The following ARID4B variants were observed in gnomAD, a reference collection of about 807,000 sequenced individuals.
The protein encoded by ARID4B is AT-rich interactive domain-containing protein 4B.
In ARID4B, 26 loss-of-function variants were observed where a neutral mutation model predicts 147.5. The observed-to-expected ratio is 0.18, with a 90% confidence interval of 0.13 to 0.24. The LOEUF is 0.24. ARID4B is among the 10% of genes least tolerant of loss of function. The pLI, the probability that ARID4B is intolerant of heterozygous loss-of-function variation, is 1.00. For missense variants in ARID4B, 1,179 were observed against 1,511.5 expected, an observed-to-expected ratio of 0.78 and a Z score of 3.65; for synonymous variants, 512 against 507.9, an observed-to-expected ratio of 1.01 and a Z score of -0.11.
Position 235,167,892 on chromosome 1 carries a change from A to G in ARID4B, c.*633T>C, listed in dbSNP as rs1021103927. 2.5e-5 allele frequency: 5 copies of G among 197,474 alleles called. No homozygotes were observed. The highest frequency in any genetic ancestry group is 1.2e-4 in the African/African-American group (5 of 43,442). The allele number at this position is 197,474 out of a possible 1,614,324, so 12.2% of individuals were successfully genotyped here. On this transcript the variant is annotated 3_prime_UTR_variant, in exon 24 of 24. Coordinates refer to ENST00000264183, the MANE Select transcript of ARID4B (RefSeq NM_016374.6). The stretch of plus-strand genomic sequence containing the variant: ...TAGTTCCATTCCAATTTGAAGGGCC[A>G]TGAAAAGCCACTGCAAGACCTTTTA...
rs544758242 is a variant in ARID4B, at chr1:235,170,981, T to A, written c.3811+1637A>T. Among the ~76,000 whole-genome samples, 106 of 151,956 alleles carry A rather than the reference T, an allele frequency of 7.0e-4. 1 individual carries two copies. Among genetic ancestry groups the A allele is most frequent in the African/African-American group, 2.4e-3 (101 of 41,476 alleles). On this transcript the variant is annotated intron_variant, in intron 23 of 23. Transcript: ENST00000264183. ...CATAGTTCAGTGTCTGACTTTTTTT[T>A]AAACAATATATTTTAAGAGATTGTT...
chr1:235,197,331 G>A (rs1032871032), intron 17 of ARID4B, among the ~76,000 whole-genome samples: 3 of 152,130 alleles, frequency 2.0e-5, no homozygotes, highest in Admixed American at 6.6e-5. Context: ...GTATTAAAAG[G>A]AAGTAACAAA....
chr1:235,208,757 T>A (rs1666498832), intron 17 of ARID4B, among the ~76,000 whole-genome samples: 1 of 152,160 alleles, frequency 6.6e-6, no homozygotes, highest in South Asian at 2.1e-4. Flanking sequence ...CCTCAGGTGA[T>A]CCGCCCACCT....
chr1:235,296,844 A>AGGGAGGGAGG (rs1553313980), intron 2 of ARID4B, among the ~76,000 whole-genome samples: 1 of 16,822 alleles, frequency 5.9e-5, no homozygotes, highest in Non-Finnish European at 1.2e-4. Flanking sequence ...GAAGGGAGGA[A>AGGGAGGGAGG]GGAGGGAGGG....
chr1:235,241,498 T>TA (rs151144411), intron 7 of ARID4B, among the ~76,000 whole-genome samples: 6,092 of 152,254 alleles, frequency 0.04, 450 homozygotes, highest in African/African-American at 0.14. Flanking sequence ...TATATTCCAA[T>TA]ATAAATGTAA....
At chr1:235,207,479 A>C (rs1032003040) in intron 17 of ARID4B, among the ~76,000 whole-genome samples, 2 of 152,216 alleles carry the variant, frequency 1.3e-5, no homozygotes, top group Non-Finnish European at 2.9e-5. Flanking sequence ...GGAGAGAAAA[A>C]GAACAGCTTG....
intron 16 of ARID4B, among the ~76,000 whole-genome samples, chr1:235,216,853 G>A (rs1376117982): frequency 1.3e-5 from 2 of 151,730 alleles, no homozygotes; most frequent in African/African-American, 4.8e-5. Flanking sequence ...TGCATAGTGG[G>A]GAAAAGAAGC....
chr1:235,298,173 G>A (rs1672877364), intron 2 of ARID4B, among the ~76,000 whole-genome samples: 1 of 152,156 alleles, frequency 6.6e-6, no homozygotes. Context: ...GAGAAGAGGG[G>A]CAGCAGAGTG....
intron 11 of ARID4B, among the ~76,000 whole-genome samples, chr1:235,226,608 G>A (rs1010054009): frequency 1.8e-4 from 28 of 151,882 alleles, no homozygotes; most frequent in African/African-American, 6.5e-4. Context: ...TGCAAGCTCC[G>A]CCTCCCGGGT....
rs1417122751 is a variant in ARID4B, at chr1:235,298,196, C to T, written c.6+28718G>A. On this transcript the variant is annotated intron_variant, in intron 2 of 23. Transcript: ENST00000264183. ...GGGCAGCAGAGTGAAACAGATAATA[C>T]CAAGATGGCAAAATATTGGCAACTG... Among the ~76,000 whole-genome samples the T allele has an allele frequency of 2.6e-5, 4 of 152,012 alleles. No individual in the cohort carries two copies. In the East Asian group the frequency reaches 7.7e-4, roughly 29 times the overall value.
intron 2 of ARID4B, among the ~76,000 whole-genome samples, chr1:235,291,348 C>T (rs1397213718): frequency 6.6e-6 from 1 of 151,906 alleles, no homozygotes; most frequent in Non-Finnish European, 1.5e-5. Context: ...GCAGAGGTTG[C>T]GGTGAGCTGA....
chr1:235,286,608 A>G (rs565903227), intron 2 of ARID4B, among the ~76,000 whole-genome samples: 1 of 152,342 alleles, frequency 6.6e-6, no homozygotes, highest in Non-Finnish European at 1.5e-5. Flanking sequence ...GAGAAACAAT[A>G]TAGATTCTGG....
intron 2 of ARID4B, among the ~76,000 whole-genome samples, chr1:235,324,313 C>T (rs1675062524): frequency 6.6e-6 from 1 of 152,152 alleles, no homozygotes; most frequent in African/African-American, 2.4e-5. Context: ...TATTACGAAT[C>T]ATATTCCTCA....
chr1:235,267,914 A>C (rs1313801480), intron 2 of ARID4B, among the ~76,000 whole-genome samples: 2 of 152,150 alleles, frequency 1.3e-5, no homozygotes, highest in African/African-American at 4.8e-5. Flanking sequence ...AAAAAAAAGA[A>C]AAGAAAAGAA....
At chr1:235,208,492 TTTA>T (rs1481229533) in intron 17 of ARID4B, among the ~76,000 whole-genome samples, 7 of 151,472 alleles carry the variant, frequency 4.6e-5, no homozygotes, top group African/African-American at 7.3e-5. Flanking sequence ...TATTAGTAAT[TTTA>T]TTATTATTTT....
At chr1:235,213,638 C>A in intron 17 of ARID4B, 131 bp downstream of exon 17, 1 of 995,884 alleles carries the variant, frequency 1.0e-6, no homozygotes, top group Non-Finnish European at 1.4e-6. Context: ...ATGCTAAAAA[C>A]TATTTTTTAT....
intron 2 of ARID4B, among the ~76,000 whole-genome samples, chr1:235,291,149 C>G (rs1296964140): frequency 1.3e-5 from 2 of 152,056 alleles, no homozygotes. Context: ...ATAATTCCAG[C>G]ACTTTGGGAT....
intron 2 of ARID4B, 132 bp downstream of exon 2, chr1:235,326,782 G>A: frequency 1.7e-6 from 2 of 1,168,484 alleles, no homozygotes; most frequent in Non-Finnish European, 2.6e-6. Flanking sequence ...CTCTGGGGAA[G>A]GGCTCGGTCA....
At chr1:235,182,897 C>G (rs546094459) in intron 19 of ARID4B, 104 bp from the exon 20 acceptor site, 7 of 1,149,312 alleles carry the variant, frequency 6.1e-6, no homozygotes, top group East Asian at 2.6e-5. Flanking sequence ...TACAGCCACC[C>G]GAGGTTGCTG....
Sources: gnomAD v4.1 joint callset for allele counts (sites outside exome capture counted in the v4.1 genomes callset) on GRCh38, gnomAD v4.1.1 for gene constraint, MANE v1.5 for transcripts, NCBI Gene and HGNC (gene_info 2026-07-23, HGNC 2026-07-21) for gene names.